Variants in DPP10 observed in about 807,000 individuals in gnomAD.
The protein encoded by DPP10 is dipeptidyl peptidase like 10.
Under a neutral mutation model 120.9 loss-of-function variants are expected in DPP10, and 33 were observed. The observed-to-expected ratio is 0.27, with a 90% CI of 0.21 to 0.37. DPP10 has a LOEUF of 0.37. Ranked by LOEUF, DPP10 falls within the 10% of genes least tolerant of loss-of-function variation. The pLI is 1.00. For synonymous variants in DPP10, 337 were observed against 326.1 expected, an observed-to-expected ratio of 1.03 and a Z score of -0.36; for missense variants, 816 against 942.8, an observed-to-expected ratio of 0.87 and a Z score of 1.76.
chr2:115,180,374 A>T (rs2053993411), intron 1 of DPP10, among the ~76,000 whole-genome samples: 1 of 152,224 alleles, frequency 6.6e-6, no homozygotes, highest in African/African-American at 2.4e-5. Context: ...AATTTTAATC[A>T]GTCACTACTT....
In DPP10 at chr2:115,750,254, A is replaced by T. The variant is rs13389339; in HGVS notation, c.951-2920A>T. ...GCCTGAATACTTATGAGTAAGCAAG[A>T]TCAGTCAATATGAATCACAGGGAGA... On this transcript the variant is annotated intron_variant, in intron 10 of 25. Coordinates refer to ENST00000410059, the MANE Select transcript of DPP10 (RefSeq NM_020868.6). 15 of 958,452 alleles carry T rather than the reference A, an allele frequency of 1.6e-5. No individual in the cohort carries two copies. In the African/African-American group the frequency reaches 2.5e-4, roughly 16 times the overall value. The allele number at this position is 958,452 out of a possible 1,614,324, so 59.4% of individuals were successfully genotyped here. A position where few individuals can be genotyped will look rare whatever the true frequency, so the allele number is the denominator to read the frequency against.
intron 1 of DPP10, among the ~76,000 whole-genome samples, chr2:115,184,637 C>T (rs996144716): frequency 6.6e-6 from 1 of 152,174 alleles, no homozygotes; most frequent in African/African-American, 2.4e-5. Flanking sequence ...TGGTCTTTGA[C>T]GTTCTTGGAT....
chr2:115,307,355 A>G (rs925762603), intron 1 of DPP10, among the ~76,000 whole-genome samples: 9 of 152,098 alleles, frequency 5.9e-5, no homozygotes, highest in Non-Finnish European at 1.3e-4. Flanking sequence ...TCAAGATCAT[A>G]ATCAGTAAAT....
At chr2:114,894,863 A>G (rs902034592) in intron 1 of DPP10, among the ~76,000 whole-genome samples, 1 of 152,174 alleles carries the variant, frequency 6.6e-6, no homozygotes, top group African/African-American at 2.4e-5. Flanking sequence ...GGAATAATAT[A>G]TAAAAGATGG....
intron 3 of DPP10, among the ~76,000 whole-genome samples, chr2:115,497,317 TA>T: frequency 6.6e-6 from 1 of 152,196 alleles, no homozygotes; most frequent in South Asian, 2.1e-4. Flanking sequence ...AACTATAAAC[TA>T]AATTTCACCA....
At chr2:115,201,646 C>A (rs757124024) in intron 1 of DPP10, among the ~76,000 whole-genome samples, 1 of 152,074 alleles carries the variant, frequency 6.6e-6, no homozygotes, top group Non-Finnish European at 1.5e-5. Context: ...GATTCTTTGT[C>A]AAGTACACTA....
chr2:114,644,342 C>G (rs963196671), intron 1 of DPP10, among the ~76,000 whole-genome samples: 4 of 143,234 alleles, frequency 2.8e-5, no homozygotes, highest in African/African-American at 1.0e-4. Flanking sequence ...CTGTGTGTGT[C>G]TGTGTGTGTG....
At chr2:115,258,159 T>C (rs1284020218) in intron 1 of DPP10, among the ~76,000 whole-genome samples, 1 of 152,234 alleles carries the variant, frequency 6.6e-6, no homozygotes, top group African/African-American at 2.4e-5. Context: ...ATTGTCATGG[T>C]ACACTGAAAT....
chr2:115,018,317 A>G (rs1039881865), intron 1 of DPP10, among the ~76,000 whole-genome samples: 2 of 152,224 alleles, frequency 1.3e-5, no homozygotes, highest in African/African-American at 4.8e-5. Context: ...TCCAGGATCT[A>G]GAACAAGAAA....
At chr2:115,768,640 C>T (rs1420979937) in intron 13 of DPP10, among the ~76,000 whole-genome samples, 1 of 152,116 alleles carries the variant, frequency 6.6e-6, no homozygotes, top group Non-Finnish European at 1.5e-5. Context: ...GTCCTATGAA[C>T]TGAGGGCTTT....
At chr2:115,239,509 T>C (rs2058164615) in intron 1 of DPP10, among the ~76,000 whole-genome samples, 1 of 152,192 alleles carries the variant, frequency 6.6e-6, no homozygotes, top group Non-Finnish European at 1.5e-5. Flanking sequence ...ATTGTTAGCA[T>C]TTTTTGGCAA....
intron 10 of DPP10, among the ~76,000 whole-genome samples, chr2:115,751,717 A>G (rs999856648): frequency 6.6e-6 from 1 of 152,014 alleles, no homozygotes; most frequent in Non-Finnish European, 1.5e-5. Context: ...AAGACAGGCA[A>G]TTTGTATCAA....
chr2:115,012,228 A>T (rs1411517794), intron 1 of DPP10, among the ~76,000 whole-genome samples: 1 of 152,106 alleles, frequency 6.6e-6, no homozygotes, highest in Non-Finnish European at 1.5e-5. Context: ...GACAAAGGTC[A>T]TAATCCCTTG....
chr2:115,333,571 C>G (rs62167296), intron 2 of DPP10, among the ~76,000 whole-genome samples: 1 of 152,212 alleles, frequency 6.6e-6, no homozygotes, highest in Non-Finnish European at 1.5e-5. Flanking sequence ...CTGGTTGTTC[C>G]TTTCCATGTT....
intron 5 of DPP10, among the ~76,000 whole-genome samples, chr2:115,576,739 A>G (rs999296299): frequency 5.3e-5 from 8 of 152,148 alleles, no homozygotes; most frequent in Non-Finnish European, 1.2e-4. Flanking sequence ...CATGTGCCGA[A>G]AGCCACTCAC....
chr2:114,830,826 A>G (rs1047063085), intron 1 of DPP10, among the ~76,000 whole-genome samples: 2 of 152,048 alleles, frequency 1.3e-5, no homozygotes, highest in Admixed American at 1.3e-4. Flanking sequence ...GAGGCAATTG[A>G]TTTGAGTATT....
chr2:115,628,280 C>G (rs539429736), intron 5 of DPP10, among the ~76,000 whole-genome samples: 1 of 152,218 alleles, frequency 6.6e-6, no homozygotes, highest in Non-Finnish European at 1.5e-5. Context: ...TGATGTTGAG[C>G]TTTTTTTCAT....
chr2:115,815,612 T>G (rs983739887), intron 20 of DPP10, 63 bp from the exon 21 acceptor site: 2 of 1,417,510 alleles, frequency 1.4e-6, no homozygotes, highest in Admixed American at 4.0e-5. Flanking sequence ...GCATGCCAAC[T>G]ATATATTTAT....
chr2:115,216,556 G>C (rs1450186710), intron 1 of DPP10, among the ~76,000 whole-genome samples: 1 of 152,136 alleles, frequency 6.6e-6, no homozygotes, highest in Non-Finnish European at 1.5e-5. Flanking sequence ...GGCCGAGGCA[G>C]GTGGATCACC....
Sources: gnomAD v4.1 joint callset for allele counts (sites outside exome capture counted in the v4.1 genomes callset) on GRCh38, gnomAD v4.1.1 for gene constraint, MANE v1.5 for transcripts, NCBI Gene and HGNC (gene_info 2026-07-23, HGNC 2026-07-21) for gene names.